Variants in EMILIN2 observed in about 807,000 individuals in gnomAD.
EMILIN2 encodes elastin microfibril interfacer 2.
EMILIN2 carries 71 observed loss-of-function variants against 87.1 expected under a neutral mutation model. That is an observed-to-expected ratio of 0.82 (90% CI 0.67 to 0.99). The LOEUF is 0.99. EMILIN2 is among the 50% of genes least tolerant of loss of function. The pLI is 0.00. For missense variants in EMILIN2, 1,407 were observed against 1,371.8 expected, an observed-to-expected ratio of 1.03 and a Z score of -0.40; for synonymous variants, 581 against 563.4, an observed-to-expected ratio of 1.03 and a Z score of -0.44.
Position 2,913,151 on chromosome 18 carries a change from TGTCG to T in EMILIN2, c.2913_2916del (p.Val972ProfsTer42), listed in dbSNP as rs777228817. On this transcript the variant is annotated frameshift_variant, in exon 8 of 8. Transcript: ENST00000254528. LOFTEE classifies it high-confidence loss of function. Reference sequence around the variant, plus strand: ...AGAGACGCCTACGTGGAAGCAGTGCTGTCGGTCTCCAACGCCAGCGTGGCCCAGC... The same window carrying T: ...AGAGACGCCTACGTGGAAGCAGTGCTGTCTCCAACGCCAGCGTGGCCCAGC... 1.9e-6 allele frequency: 3 copies of T among 1,613,082 alleles called. No individual in the cohort carries two copies. The highest frequency in any genetic ancestry group is 2.5e-6 in the Non-Finnish European group (3 of 1,179,874).
intron 2 of EMILIN2, among the ~76,000 whole-genome samples, chr18:2,851,517 A>C (rs970505673): frequency 6.6e-6 from 1 of 152,146 alleles, no homozygotes; most frequent in Non-Finnish European, 1.5e-5. Flanking sequence ...CTGAGGGTGA[A>C]ACCGCTGGGA....
chr18:2,906,713 G>C, intron 4 of EMILIN2, 70 bp from the exon 5 acceptor site: 1 of 1,150,246 alleles, frequency 8.7e-7, no homozygotes, highest in Non-Finnish European at 1.1e-6. Flanking sequence ...TCATGGAGGG[G>C]ACCCTGACGG....
rs963525204 is a variant in EMILIN2 at position 2,847,462 on chromosome 18, G to A, written c.134+140G>A. On this transcript the variant is annotated intron_variant, in intron 1 of 7. Coordinates refer to ENST00000254528, the MANE Select transcript of EMILIN2 (RefSeq NM_032048.3). The surrounding 1 kb of genome is among the most constrained non-coding windows in gnomAD (Gnocchi z 4.5). The stretch of plus-strand genomic sequence containing the variant: ...CTTCCCCGGGCGGCTCCCTCTGCGG[G>A]GGACCGCGCGCTCCGCAGCCGGCGC... The A allele has an allele frequency of 9.6e-7, 1 of 1,036,610 alleles. No individual in the cohort carries two copies. Among genetic ancestry groups the A allele is most frequent in the Non-Finnish European group, 1.3e-6 (1 of 799,950 alleles). 64.2% of individuals were successfully genotyped at this position (1,036,610 alleles called of 1,614,324 possible).
chr18:2,872,942 A>G (rs1302669992), intron 2 of EMILIN2, among the ~76,000 whole-genome samples: 2 of 152,158 alleles, frequency 1.3e-5, no homozygotes, highest in Non-Finnish European at 2.9e-5. Flanking sequence ...GTCGTGGGCT[A>G]GCTTATGCCC....
At chr18:2,886,742 C>T (rs1241856620) in intron 3 of EMILIN2, among the ~76,000 whole-genome samples, 1 of 152,202 alleles carries the variant, frequency 6.6e-6, no homozygotes, top group Non-Finnish European at 1.5e-5. Flanking sequence ...TGATTCCTTA[C>T]AGTTAAATCA....
In EMILIN2 at chr18:2,890,560, G is replaced by T; in HGVS notation, c.434-1G>T. 1.9e-6 allele frequency: 3 copies of T among 1,557,284 alleles called. No individual in the cohort carries two copies. The highest frequency in any genetic ancestry group is 2.6e-6 in the Non-Finnish European group (3 of 1,149,444). The stretch of plus-strand genomic sequence containing the variant: ...CATGTCCAACTTTATCTTTGTAACA[G>T]ATAATGAACCCAGCCAATTCTCAGA... On this transcript the variant is annotated splice_acceptor_variant, in intron 3 of 7. Transcript: ENST00000254528. LOFTEE classifies it high-confidence loss of function. The surrounding 1 kb of genome is among the most constrained non-coding windows in gnomAD (Gnocchi z 4.7).
At chr18:2,906,733 G>T (rs993475465) in intron 4 of EMILIN2, 50 bp from the exon 5 acceptor site, 2 of 1,227,420 alleles carry the variant, frequency 1.6e-6, no homozygotes, top group Admixed American at 8.6e-5. Flanking sequence ...GGGCAGTCAG[G>T]GCTGAGGTTT....
intron 2 of EMILIN2, among the ~76,000 whole-genome samples, chr18:2,868,543 C>T (rs550466412): frequency 6.6e-4 from 100 of 152,372 alleles, no homozygotes; most frequent in African/African-American, 2.3e-3. Context: ...TCTGCAATCC[C>T]GGCACCTCGG....
chr18:2,913,448 AC>A lies in EMILIN2; in HGVS notation c.*45del, dbSNP rs911944815. ...AGGGGAAAGATAGATAGTTGTAAAAACTCTAAAGCTTTAATATATTCGGTTT... is the reference window on the plus strand; with the variant it reads ...AGGGGAAAGATAGATAGTTGTAAAAATCTAAAGCTTTAATATATTCGGTTT... On this transcript the variant is annotated 3_prime_UTR_variant, in exon 8 of 8. Transcript: ENST00000254528. The A allele has an allele frequency of 6.9e-7, 1 of 1,448,296 alleles. No individual in the cohort carries two copies. The highest frequency in any genetic ancestry group is 9.4e-7 in the Non-Finnish European group (1 of 1,068,712). The allele number at this position is 1,448,296 out of a possible 1,614,324, so 89.7% of individuals were successfully genotyped here. A position where few individuals can be genotyped will look rare whatever the true frequency, so the allele number is the denominator to read the frequency against.
intron 2 of EMILIN2, among the ~76,000 whole-genome samples, chr18:2,878,096 A>G (rs1412275525): frequency 6.6e-6 from 1 of 152,042 alleles, no homozygotes; most frequent in Non-Finnish European, 1.5e-5. Context: ...CAGTTTGGGA[A>G]GGTGAAACAG....
chr18:2,858,579 G>GTATATATA (rs1173565497), intron 2 of EMILIN2, among the ~76,000 whole-genome samples: 2 of 62,412 alleles, frequency 3.2e-5, no homozygotes, highest in South Asian at 6.2e-4. Flanking sequence ...ATGTGTGTGT[G>GTATATATA]TGTGTATATA....
chr18:2,910,309 G>C (rs1433828800), intron 7 of EMILIN2, among the ~76,000 whole-genome samples: 2 of 152,318 alleles, frequency 1.3e-5, no homozygotes, highest in African/African-American at 2.4e-5. Flanking sequence ...CTCATGCTCT[G>C]CAACAGAATC....
chr18:2,856,608 CT>C (rs1328987592), intron 2 of EMILIN2, among the ~76,000 whole-genome samples: 5 of 152,202 alleles, frequency 3.3e-5, no homozygotes, highest in African/African-American at 1.2e-4. Flanking sequence ...TTACACAGAA[CT>C]TTACATCCTG....
At chr18:2,892,760 T>C (rs1309323318) in intron 4 of EMILIN2, among the ~76,000 whole-genome samples, 1 of 151,124 alleles carries the variant, frequency 6.6e-6, no homozygotes. Context: ...ACTTCTAAAA[T>C]AATTTGACAG....
intron 2 of EMILIN2, among the ~76,000 whole-genome samples, chr18:2,849,384 G>A (rs1470313156): frequency 1.3e-5 from 2 of 152,232 alleles, no homozygotes; most frequent in African/African-American, 4.8e-5. Context: ...TGACAATTCG[G>A]AGATAAATGA....
Position 2,847,087 on chromosome 18 carries a change from G to A in EMILIN2, c.-102G>A. The stretch of plus-strand genomic sequence containing the variant: ...GCGCCGCGAAGCGCCCGAGCCTCTT[G>A]CCTTCGCGGGCGGCGCCCTGGCCGC... On this transcript the variant is annotated 5_prime_UTR_variant, in exon 1 of 8. Coordinates refer to ENST00000254528, the MANE Select transcript of EMILIN2 (RefSeq NM_032048.3). The surrounding 1 kb of genome is among the most constrained non-coding windows in gnomAD (Gnocchi z 4.5). The A allele has an allele frequency of 1.9e-6, 2 of 1,076,542 alleles. No individual in the cohort carries two copies. Among genetic ancestry groups the A allele is most frequent in the Non-Finnish European group, 2.3e-6 (2 of 881,572 alleles). 66.7% of individuals were successfully genotyped at this position (1,076,542 alleles called of 1,614,324 possible).
intron 2 of EMILIN2, among the ~76,000 whole-genome samples, chr18:2,849,151 C>T (rs926803644): frequency 6.6e-6 from 1 of 152,182 alleles, no homozygotes; most frequent in Admixed American, 6.5e-5. Context: ...GTCATCCAAC[C>T]TTAATCTCTT....
chr18:2,847,496 G>A lies in EMILIN2; in HGVS notation c.134+174G>A, dbSNP rs1162396686. On this transcript the variant is annotated intron_variant, in intron 1 of 7. Transcript: ENST00000254528. This position sits in a 1 kb window ranked among gnomAD's most constrained non-coding sequence, Gnocchi z 4.5. ...CGCTCCGCAGCCGGCGCCTCAGGCA[G>A]AGCTGACTCCGGGGGCGTGGGCGCA... Among the ~76,000 whole-genome samples, 2 of 152,194 alleles carry A rather than the reference G, an allele frequency of 1.3e-5. No individual in the cohort carries two copies. Among genetic ancestry groups the A allele is most frequent in the Non-Finnish European group, 2.9e-5 (2 of 68,004 alleles).
At position 2,913,309 on chromosome 18, in the gene EMILIN2, G is replaced by C. The variant is rs946987981; in HGVS notation, c.3067G>C (p.Val1023Leu). ...HLKAGDAVNVVVTGGKLAHTD... is the reference protein window; with the variant it reads ...HLKAGDAVNVLVTGGKLAHTD... ...GAAGGCGGGAGATGCAGTCAACGTC[G>C]TGGTGACTGGGGGCAAGCTGGCTCA... is the stretch of plus-strand genomic sequence containing the variant. Residue 1023 changes from valine (V) to leucine (L), a missense_variant, in exon 8 of 8, where the codon GTG becomes CTG. Transcript: ENST00000254528. 1.2e-6 allele frequency: 2 copies of C among 1,613,044 alleles called. No individual in the cohort carries two copies. Among genetic ancestry groups the C allele is most frequent in the Admixed American group, 3.3e-5 (2 of 59,914 alleles).
Sources: gnomAD v4.1 joint callset for allele counts (sites outside exome capture counted in the v4.1 genomes callset) on GRCh38, gnomAD v4.1.1 for gene constraint, Gnocchi (gnomAD v3.1) non-coding constraint, MANE v1.5 for transcripts, NCBI Gene and HGNC (gene_info 2026-07-23, HGNC 2026-07-21) for gene names.